Variants in SPTAN1 observed in about 807,000 individuals in gnomAD.
The protein encoded by SPTAN1 is spectrin alpha, non-erythrocytic 1.
In SPTAN1, 61 loss-of-function variants were observed where a neutral mutation model predicts 331.3. The ratio of observed to expected loss-of-function variants is 0.18; its 90% CI spans 0.15 to 0.23. The LOEUF is 0.23. Among genes scored for constraint, SPTAN1 ranks in the 10% least tolerant of loss-of-function variants. The pLI is 1.00. For synonymous variants in SPTAN1, 1,153 were observed against 1,173.9 expected, an observed-to-expected ratio of 0.98 and a Z score of 0.36; for missense variants, 2,043 against 3,147.9, an observed-to-expected ratio of 0.65 and a Z score of 8.40.
chr9:128,594,104 T>C, intron 23 of SPTAN1, 71 bp from the exon 24 acceptor site: 1 of 1,487,226 alleles, frequency 6.7e-7, no homozygotes, highest in Non-Finnish European at 9.4e-7. Flanking sequence ...ACCTCGTGGT[T>C]TGCCTTTATG....
Position 128,576,990 on chromosome 9 carries a change from C to A in SPTAN1, c.785+34C>A, listed in dbSNP as rs751547120. 4.3e-6 allele frequency: 7 copies of A among 1,614,020 alleles called. No individual in the cohort carries two copies. In the Admixed American group the frequency reaches 1.2e-4, roughly 27 times the overall value. ...CCAGAGTGGGCTTTGGGGAATGGGT[C>A]TCAACCTGGAGGGGAGTTGTGAAGC... On this transcript the variant is annotated intron_variant, in intron 6 of 56. Transcript: ENST00000372739.
At chr9:128,601,527 G>C (rs891718169) in intron 27 of SPTAN1, 10 of 151,952 alleles carry the variant, frequency 6.6e-5, no homozygotes, top group African/African-American at 2.4e-4. Flanking sequence ...CTGGAGACCA[G>C]CCTGGGCAAC....
At position 128,627,188 on chromosome 9, in the gene SPTAN1, C is replaced by CT. The variant is rs772158389; in HGVS notation, c.6577-196dup. On this transcript the variant is annotated intron_variant, in intron 49 of 56. Transcript: ENST00000372739. This position sits in a 1 kb window ranked among gnomAD's most constrained non-coding sequence, Gnocchi z 4.9. ...CGCTTCCCTCCAGGTCCGCCTCTTCCTTGAAGCCCCTGGGGGGTGGGAACA... is the reference window on the plus strand; with the variant it reads ...CGCTTCCCTCCAGGTCCGCCTCTTCCTTTGAAGCCCCTGGGGGGTGGGAACA... 4.3e-4 allele frequency: 280 copies of CT among 649,602 alleles called. 1 individual carries two copies. In the African/African-American group the frequency reaches 4.6e-3, roughly 11 times the overall value. The allele number at this position is 649,602 out of a possible 1,614,324, so 40.2% of individuals were successfully genotyped here.
In SPTAN1 at chr9:128,591,393, C is replaced by T. The variant is rs112129457; in HGVS notation, c.3007-84C>T. The T allele has an allele frequency of 8.3e-5, 130 of 1,573,976 alleles. No individual in the cohort carries two copies. The South Asian group carries it at 1.0e-3, about 13-fold the overall frequency. On this transcript the variant is annotated intron_variant, in intron 21 of 56. Transcript: ENST00000372739. ...TTTGGACCTCTTAAAACAACGCTCT[C>T]GTGTGTGTGTATACACGTGACCTCC...
At chr9:128,609,906 A>G (rs1321556674) in intron 37 of SPTAN1, among the ~76,000 whole-genome samples, 2 of 152,154 alleles carry the variant, frequency 1.3e-5, no homozygotes, top group Non-Finnish European at 2.9e-5. Flanking sequence ...CACTTAGGCA[A>G]ATTCTGTACA....
At position 128,603,570 on chromosome 9, in the gene SPTAN1, G is replaced by GCCA; in HGVS notation, c.3610_3612dup (p.Thr1204dup). 1 of 1,614,130 alleles carries GCCA rather than the reference G, an allele frequency of 6.2e-7. No individual in the cohort carries two copies. Among genetic ancestry groups the GCCA allele is most frequent in the Non-Finnish European group, 8.5e-7 (1 of 1,180,024 alleles). On this transcript the variant is annotated inframe_insertion, in exon 28 of 57. Transcript: ENST00000372739. ...TGCTCGTCTGATGGTTCACACCGTGGCCACCTTTAATTCCATCAAGGTAAG... is the reference window on the plus strand; with the variant it reads ...TGCTCGTCTGATGGTTCACACCGTGGCCACCACCTTTAATTCCATCAAGGTAAG...
intron 26 of SPTAN1, chr9:128,599,211 T>C: frequency 3.6e-6 from 2 of 552,812 alleles, no homozygotes; most frequent in South Asian, 3.8e-5. Flanking sequence ...CTTGGCTCAC[T>C]GCAACCTCCA....
intron 1 of SPTAN1, chr9:128,555,438 G>GT: frequency 2.3e-6 from 3 of 1,287,124 alleles, no homozygotes; most frequent in Non-Finnish European, 3.0e-6. Flanking sequence ...TGCCTTTTTG[G>GT]TTTTGCCTGG....
rs763268864 is a variant in SPTAN1, at chr9:128,591,622, A to G, written c.3152A>G (p.Asn1051Ser). ...GCACTGCGGCAGGAGCAGATTGACA[A>G]TCAGTAAGGATGACACTGGGGGCCG... ...SIALRQEQIDNQTRITKEAGS... is the reference protein window; with the variant it reads ...SIALRQEQIDSQTRITKEAGS... The change falls in exon 22 of 57, where the codon AAT (asparagine) becomes AGT (serine). Residue 1051 changes from asparagine (N) to serine (S), a missense_variant. Physicochemically the swap from Asn to Ser is conservative, Grantham distance 46 (BLOSUM62 1). Coordinates refer to ENST00000372739, the MANE Select transcript of SPTAN1 (RefSeq NM_001130438.3). 2 of 1,613,962 alleles carry G rather than the reference A, an allele frequency of 1.2e-6. No individual in the cohort carries two copies. The highest frequency in any genetic ancestry group is 1.7e-5 in the Admixed American group (1 of 60,020).
At chr9:128,608,406 A>G in intron 34 of SPTAN1, 130 bp downstream of exon 34, 1 of 1,181,524 alleles carries the variant, frequency 8.5e-7, no homozygotes, top group Non-Finnish European at 1.2e-6. Flanking sequence ...TACATAAATA[A>G]TCTTTAAAAC....
chr9:128,583,160 C>T lies in SPTAN1; in HGVS notation c.1890C>T (p.Ala630=). 1 of 1,614,086 alleles carries T rather than the reference C, an allele frequency of 6.2e-7. No individual in the cohort carries two copies. Among genetic ancestry groups the T allele is most frequent in the East Asian group, 2.2e-5 (1 of 44,882 alleles). Residue 630 remains alanine (A), a synonymous_variant, in exon 15 of 57, where the codon GCC becomes GCT. Transcript: ENST00000372739. ...ELSANQSRID[A]LEKAGQKLID... ...CAGCAAACCAGAGCCGAATTGATGC[C>T]TTGGAGAAAGCTGGCCAAAAGCTGA...
At chr9:128,571,818 A>G (rs1316427549) in intron 3 of SPTAN1, among the ~76,000 whole-genome samples, 2 of 152,078 alleles carry the variant, frequency 1.3e-5, no homozygotes, top group Non-Finnish European at 2.9e-5. Context: ...AATTTCCTCT[A>G]TCCCCTTCTT....
In SPTAN1 at chr9:128,579,732, G is replaced by C. The variant is rs1430228190; in HGVS notation, c.1317G>C (p.Arg439Ser). Residue 439 changes from arginine to serine, a missense_variant, in exon 10 of 57, where the codon AGG (arginine) becomes AGC (serine). Coordinates refer to ENST00000372739, the MANE Select transcript of SPTAN1 (RefSeq NM_001130438.3). The stretch of plus-strand genomic sequence containing the variant: ...GTCACTATGCCTCAGATGAAGTGAG[G>C]GAGAAGGTAAGAGAAGAGAAATGGA... Reference protein sequence around the residue: ...AAGHYASDEVREKLTVLSEER... With the variant: ...AAGHYASDEVSEKLTVLSEER... 1.2e-6 allele frequency: 2 copies of C among 1,613,624 alleles called. No homozygotes were observed. The highest frequency in any genetic ancestry group is 1.7e-6 in the Non-Finnish European group (2 of 1,179,658).
rs538594808 is a variant in SPTAN1 at position 128,608,124 on chromosome 9, C to T, written c.4345-6C>T. The T allele has an allele frequency of 2.5e-6, 4 of 1,614,188 alleles. No individual in the cohort carries two copies. In the African/African-American group the frequency reaches 4.0e-5, roughly 16 times the overall value. On this transcript the variant is annotated splice_polypyrimidine_tract_variant and splice_region_variant and intron_variant, in intron 33 of 56. Transcript: ENST00000372739. ...CATTTTCTCACCTGCCTCTTGCCCT[C>T]TTTAGCTGTTCCATCGGGACTGTGA...
intron 30 of SPTAN1, 32 bp from the exon 31 acceptor site, chr9:128,605,264 C>T (rs748559698): frequency 6.2e-6 from 10 of 1,614,138 alleles, no homozygotes; most frequent in African/African-American, 4.0e-5. Flanking sequence ...TACCCCCTTA[C>T]TGCAAGCTCA....
intron 1 of SPTAN1, among the ~76,000 whole-genome samples, chr9:128,553,954 A>G (rs962164707): frequency 3.3e-5 from 5 of 152,208 alleles, no homozygotes; most frequent in African/African-American, 9.6e-5. Flanking sequence ...AATCTTGGAA[A>G]TAGCAGGAGG....
intron 28 of SPTAN1, among the ~76,000 whole-genome samples, chr9:128,603,915 C>T (rs1190316641): frequency 2.0e-5 from 3 of 152,354 alleles, no homozygotes; most frequent in East Asian, 1.9e-4. Context: ...GGTCCTGTGG[C>T]GTGTCGGCTC....
chr9:128,585,723 T>G (rs758392650), intron 18 of SPTAN1, 25 bp from the exon 19 acceptor site: 32 of 1,600,854 alleles, frequency 2.0e-5, no homozygotes, highest in Middle Eastern at 1.7e-4. Flanking sequence ...GTTTTTGTTA[T>G]CCTCTTTCCC....
rs983108566 is a variant in SPTAN1, at chr9:128,604,551, G to A, written c.3719+134G>A. On this transcript the variant is annotated intron_variant, in intron 29 of 56. Coordinates refer to ENST00000372739, the MANE Select transcript of SPTAN1 (RefSeq NM_001130438.3). ...GATGTTTATTTGTGACATGGGGTGG[G>A]TGCTCAGTAAATCCTGCTAAGTGAA... 17 of 830,430 alleles carry A rather than the reference G, an allele frequency of 2.0e-5. No homozygotes were observed. In the African/African-American group the frequency reaches 2.1e-4, roughly 10 times the overall value. 51.4% of individuals were successfully genotyped at this position (830,430 alleles called of 1,614,324 possible). A position where few individuals can be genotyped will look rare whatever the true frequency, so the allele number is the denominator to read the frequency against.
Sources: allele counts gnomAD v4.1 joint callset (sites outside exome capture counted in the v4.1 genomes callset), GRCh38; gene constraint gnomAD v4.1.1; non-coding constraint Gnocchi (gnomAD v3.1); transcripts MANE v1.5; gene names NCBI Gene and HGNC (gene_info 2026-07-23, HGNC 2026-07-21).